The following TAFA5 variants were observed in gnomAD, a reference collection of about 807,000 sequenced individuals.
TAFA5 encodes the protein TAFA chemokine like family member 5.
A neutral mutation model predicts 15.3 loss-of-function variants in TAFA5; 6 were observed. The observed-to-expected ratio is 0.39, with a 90% CI of 0.21 to 0.77. The LOEUF is 0.77. TAFA5 is among the 30% of genes least tolerant of loss of function. The pLI, the probability that TAFA5 is intolerant of heterozygous loss-of-function variation, is 0.41. For synonymous variants in TAFA5, 103 were observed against 80.7 expected, an observed-to-expected ratio of 1.28 and a Z score of -1.48; for missense variants, 161 against 193.1, an observed-to-expected ratio of 0.83 and a Z score of 0.98.
intron 1 of TAFA5, among the ~76,000 whole-genome samples, chr22:48,625,391 G>C (rs182473116): frequency 1.3e-5 from 2 of 152,260 alleles, no homozygotes; most frequent in East Asian, 3.9e-4. Flanking sequence ...GTTGCCTGTC[G>C]GTAAACTCCC....
At chr22:48,745,031 C>T (rs1003817171) in intron 3 of TAFA5, among the ~76,000 whole-genome samples, 15 of 152,316 alleles carry the variant, frequency 9.8e-5, no homozygotes, top group African/African-American at 3.4e-4. Flanking sequence ...GCTGGGATTA[C>T]GGGCGTGAGC....
intron 1 of TAFA5, among the ~76,000 whole-genome samples, chr22:48,633,203 G>T (rs1211249474): frequency 2.6e-5 from 4 of 152,178 alleles, no homozygotes; most frequent in Non-Finnish European, 5.9e-5. Flanking sequence ...TGAACCCCAC[G>T]ACCTTTGCGG....
intron 1 of TAFA5, among the ~76,000 whole-genome samples, chr22:48,542,564 G>GGT (rs151287754): frequency 0.73 from 66,680 of 90,994 alleles, 23,705 homozygotes; most frequent in Middle Eastern, 0.86. Flanking sequence ...ATGTGTGTGT[G>GGT]GTGTGTGTGG....
chr22:48,712,417 A>G (rs1380772471), intron 3 of TAFA5, among the ~76,000 whole-genome samples: 1 of 152,218 alleles, frequency 6.6e-6, no homozygotes, highest in African/African-American at 2.4e-5. Flanking sequence ...AAATTAATTT[A>G]ATAGATCATG....
chr22:48,707,936 G>A, intron 3 of TAFA5, 92 bp downstream of exon 3: 10 of 1,506,508 alleles, frequency 6.6e-6, no homozygotes, highest in Non-Finnish European at 9.0e-6. Flanking sequence ...GGGGACAGGT[G>A]GCAGCTGCTC....
rs117308706 is a variant in TAFA5 at position 48,574,955 on chromosome 22, C to A, written c.113-71642C>A. Reference sequence around the variant, plus strand: ...GGAACGTGGGCATTAACAGTGCGCCCACGCTCTTGGGTGCAGGGCAGCTGG... The same window carrying A: ...GGAACGTGGGCATTAACAGTGCGCCAACGCTCTTGGGTGCAGGGCAGCTGG... On this transcript the variant is annotated intron_variant, in intron 1 of 3. Coordinates refer to ENST00000402357, the MANE Select transcript of TAFA5 (RefSeq NM_001082967.3). Among the ~76,000 whole-genome samples the A allele has an allele frequency of 2.2e-3, 337 of 152,322 alleles. 8 individuals are homozygous for A. The East Asian group carries it at 0.056, about 25-fold the overall frequency.
At position 48,597,103 on chromosome 22, in the gene TAFA5, G is replaced by A. The variant is rs117880972; in HGVS notation, c.113-49494G>A. On this transcript the variant is annotated intron_variant, in intron 1 of 3. Transcript: ENST00000402357. ...ATTCCAGGTGTGAGTCACCACAGCC[G>A]GCCAGTTTTTTAAAGAACACCAAAA... 6.4e-3 allele frequency among the ~76,000 whole-genome samples: 977 copies of A among 152,326 alleles called. 82 individuals carry two copies. The East Asian group carries it at 0.16, about 25-fold the overall frequency.
intron 1 of TAFA5, among the ~76,000 whole-genome samples, chr22:48,600,803 C>G (rs28606415): frequency 0.56 from 85,758 of 152,106 alleles, 24,285 homozygotes; most frequent in Admixed American, 0.59. Flanking sequence ...CCATCAGACT[C>G]AAGCCATAGC....
intron 1 of TAFA5, among the ~76,000 whole-genome samples, chr22:48,617,732 G>A (rs1461261672): frequency 6.6e-6 from 1 of 152,196 alleles, no homozygotes; most frequent in Non-Finnish European, 1.5e-5. Flanking sequence ...CTGGCTTGGT[G>A]CATCCCTGGT....
intron 2 of TAFA5, among the ~76,000 whole-genome samples, chr22:48,689,372 G>A (rs1443353703): frequency 6.6e-6 from 1 of 152,094 alleles, no homozygotes; most frequent in Non-Finnish European, 1.5e-5. Flanking sequence ...CGTCTGCCTT[G>A]TCCTCAGGCT....
At chr22:48,732,632 C>T (rs534091221) in intron 3 of TAFA5, among the ~76,000 whole-genome samples, 3 of 152,226 alleles carry the variant, frequency 2.0e-5, no homozygotes, top group East Asian at 1.9e-4. Context: ...CATAGGATTT[C>T]GAATATTCCA....
At chr22:48,583,531 C>A (rs1924180480) in intron 1 of TAFA5, among the ~76,000 whole-genome samples, 1 of 147,666 alleles carries the variant, frequency 6.8e-6, no homozygotes, top group South Asian at 2.2e-4. Flanking sequence ...TATACACATA[C>A]CACACACCAC....
At chr22:48,528,807 T>TG (rs899250982) in intron 1 of TAFA5, among the ~76,000 whole-genome samples, 5 of 152,144 alleles carry the variant, frequency 3.3e-5, no homozygotes, top group Non-Finnish European at 7.4e-5. Context: ...CCAGGAGCAC[T>TG]GGGGGAGAAG....
At chr22:48,747,089 GCC>G (rs1160515192) in intron 3 of TAFA5, among the ~76,000 whole-genome samples, 1 of 152,200 alleles carries the variant, frequency 6.6e-6, no homozygotes, top group Non-Finnish European at 1.5e-5. Flanking sequence ...AGGACTGGAG[GCC>G]ACCATGGTGT....
At chr22:48,615,273 C>T (rs1434557754) in intron 1 of TAFA5, among the ~76,000 whole-genome samples, 1 of 152,186 alleles carries the variant, frequency 6.6e-6, no homozygotes, top group African/African-American at 2.4e-5. Context: ...GCCAGCAGAA[C>T]TGATGAAAAG....
At chr22:48,542,490 TGG>T (rs1922460858) in intron 1 of TAFA5, among the ~76,000 whole-genome samples, 1 of 68,550 alleles carries the variant, frequency 1.5e-5, no homozygotes, top group Non-Finnish European at 3.1e-5. Flanking sequence ...GGTGTGTGTG[TGG>T]TGTGTGTGCG....
intron 1 of TAFA5, chr22:48,539,273 A>G (rs1922276181): frequency 6.7e-6 from 3 of 445,616 alleles, no homozygotes; most frequent in Non-Finnish European, 1.4e-5. Flanking sequence ...AGAGGTGGCC[A>G]GAAAGACCCT....
intron 1 of TAFA5, among the ~76,000 whole-genome samples, chr22:48,585,347 C>T (rs1016956547): frequency 1.3e-5 from 2 of 149,798 alleles, no homozygotes; most frequent in South Asian, 2.1e-4. Flanking sequence ...ACATAAAATA[C>T]ACCACATACA....
intron 3 of TAFA5, among the ~76,000 whole-genome samples, chr22:48,738,774 G>A (rs567802405): frequency 1.2e-3 from 186 of 152,352 alleles, no homozygotes; most frequent in African/African-American, 4.2e-3. Context: ...CAGGAGCTCC[G>A]TGTTTTTTGC....
Sources: gnomAD v4.1 joint callset for allele counts (sites outside exome capture counted in the v4.1 genomes callset) on GRCh38, gnomAD v4.1.1 for gene constraint, MANE v1.5 for transcripts, NCBI Gene and HGNC (gene_info 2026-07-23, HGNC 2026-07-21) for gene names.